Variants in BMP1 observed in about 807,000 individuals in gnomAD.
The protein encoded by BMP1 is bone morphogenetic protein 1.
A neutral mutation model predicts 116.8 loss-of-function variants in BMP1; 63 were observed. The observed-to-expected ratio is 0.54, with a 90% CI of 0.44 to 0.67. The LOEUF (loss-of-function observed/expected upper bound fraction) is 0.67, where lower values mean the gene tolerates loss of function less well. Among genes scored for constraint, BMP1 ranks in the 30% least tolerant of loss-of-function variants. The probability of loss-of-function intolerance (pLI) is 0.00; values close to 1 mark genes in which losing one functional copy is unlikely to be tolerated. For missense variants in BMP1, 1,183 were observed against 1,358.9 expected (o/e 0.87, Z 2.04); for synonymous variants, 536 against 533.4 (o/e 1.00, Z -0.07).
At position 22,179,740 on chromosome 8, in the gene BMP1, A is replaced by G. The variant is rs146866668; in HGVS notation, c.872A>G (p.Glu291Gly). The G allele has an allele frequency of 2.5e-6, 4 of 1,613,972 alleles. No homozygotes were observed. In the African/African-American group the frequency reaches 5.3e-5, roughly 22 times the overall value. The change falls in exon 7 of 20, where the codon GAG becomes GGG. Residue 291 changes from glutamate to glycine, a missense_variant. Around this residue, in one of 4 missense-constraint regions of BMP1, gnomAD observed 956 missense variants for 1,135.2 expected, o/e 0.84. Transcript: ENST00000306385. The surrounding 1 kb of genome is among the most constrained non-coding windows in gnomAD (Gnocchi z 4.6). Reference sequence around the variant, plus strand: ...CTGGATACCATTGTCCCCAAGTATGAGGTGAACGGGGTGAAACCTCCCATT... The same window carrying G: ...CTGGATACCATTGTCCCCAAGTATGGGGTGAACGGGGTGAAACCTCCCATT... ...IFLDTIVPKY[E>G]VNGVKPPIGQ... is the part of the protein sequence containing the mutation.
intron 19 of BMP1, among the ~76,000 whole-genome samples, chr8:22,210,075 CG>C (rs1020379313): frequency 1.3e-4 from 20 of 152,236 alleles, no homozygotes; most frequent in African/African-American, 4.8e-4. Context: ...GCACCAGAGC[CG>C]GGGACAGGGC....
chr8:22,207,030 A>G, intron 17 of BMP1, 49 bp downstream of exon 17: 1 of 1,604,890 alleles, frequency 6.2e-7, no homozygotes, highest in South Asian at 1.1e-5. Context: ...GCCCCCGGTC[A>G]GAGGCACTGC....
In BMP1 at chr8:22,201,356, C is replaced by A. The variant is rs1384623545; in HGVS notation, c.2108-447C>A. 3 of 1,485,456 alleles carry A rather than the reference C, an allele frequency of 2.0e-6. No homozygotes were observed. The African/African-American group carries it at 4.2e-5, about 21-fold the overall frequency. 92.0% of individuals were successfully genotyped at this position (1,485,456 alleles called of 1,614,324 possible). On this transcript the variant is annotated intron_variant, in intron 15 of 19. Coordinates refer to ENST00000306385, the MANE Select transcript of BMP1 (RefSeq NM_006129.5). ...GACAGAACTGGTGCTCTCTTCTCCC[C>A]ACTGTGCCCGTCCGCGGACCGGGGA...
In BMP1 at chr8:22,165,388, C is replaced by T. The variant is rs1237734585; in HGVS notation, c.-18C>T. 1.4e-6 allele frequency: 2 copies of T among 1,435,492 alleles called. No individual in the cohort carries two copies. Among genetic ancestry groups the T allele is most frequent in the Non-Finnish European group, 1.8e-6 (2 of 1,100,674 alleles). The allele number at this position is 1,435,492 out of a possible 1,614,324, so 88.9% of individuals were successfully genotyped here. A position where few individuals can be genotyped will look rare whatever the true frequency, so the allele number is the denominator to read the frequency against. On this transcript the variant is annotated 5_prime_UTR_variant, in exon 1 of 20. Transcript: ENST00000306385. ...CTGGCCTCCAGTGCGCCGCTTCCCTCGCCGCCGCCCCGCCAGCATGCCCGG... is the reference window on the plus strand; with the variant it reads ...CTGGCCTCCAGTGCGCCGCTTCCCTTGCCGCCGCCCCGCCAGCATGCCCGG...
rs758168660 is a variant in BMP1, at chr8:22,194,135, A to C, written c.1258A>C (p.Ser420Arg). Residue 420 changes from serine (S) to arginine (R), a missense_variant, in exon 10 of 20, where the codon AGC becomes CGC. Coordinates refer to ENST00000306385, the MANE Select transcript of BMP1 (RefSeq NM_006129.5). This position sits in a 1 kb window ranked among gnomAD's most constrained non-coding sequence, Gnocchi z 4.5. ...SRLWVEFRSS[S>R]NWVGKGFFAV... ...CCTCTGGGTTGAATTCCGCAGCAGC[A>C]GCAATTGGGTTGGAAAGGGCTTCTT... 4.3e-6 allele frequency: 7 copies of C among 1,614,010 alleles called. No individual in the cohort carries two copies. In the South Asian group the frequency reaches 7.7e-5, roughly 18 times the overall value.
At position 22,176,469 on chromosome 8, in the gene BMP1, A is replaced by T. The variant is rs1456516343; in HGVS notation, c.434-64A>T. On this transcript the variant is annotated intron_variant, in intron 3 of 19. Coordinates refer to ENST00000306385, the MANE Select transcript of BMP1 (RefSeq NM_006129.5). ...GCCCTCAGAATGGCTGTGACTCTTCAGTGGTGGGTAGGGGGTGGGACTGCC... is the reference window on the plus strand; with the variant it reads ...GCCCTCAGAATGGCTGTGACTCTTCTGTGGTGGGTAGGGGGTGGGACTGCC... The T allele has an allele frequency of 1.9e-6, 3 of 1,578,842 alleles. No individual in the cohort carries two copies. The African/African-American group carries it at 4.0e-5, about 21-fold the overall frequency.
Position 22,194,115 on chromosome 8 carries a change from G to T in BMP1, c.1238G>T (p.Trp413Leu). ...EPIVSTDSRL[W>L]VEFRSSSNWV... ...ATCGTCTCCACTGACAGCCGCCTCT[G>T]GGTTGAATTCCGCAGCAGCAGCAAT... The change falls in exon 10 of 20, where the codon TGG becomes TTG. Residue 413 changes from tryptophan (W) to leucine (L), a missense_variant. By Grantham distance (61) the Trp-to-Leu change is moderately conservative. Transcript: ENST00000306385. This position sits in a 1 kb window ranked among gnomAD's most constrained non-coding sequence, Gnocchi z 4.5. The T allele has an allele frequency of 6.2e-7, 1 of 1,614,222 alleles. No individual in the cohort carries two copies. Among genetic ancestry groups the T allele is most frequent in the Non-Finnish European group, 8.5e-7 (1 of 1,180,046 alleles).
intron 1 of BMP1, among the ~76,000 whole-genome samples, chr8:22,172,043 A>T (rs1227929913): frequency 1.3e-5 from 2 of 152,106 alleles, no homozygotes; most frequent in East Asian, 3.9e-4. Context: ...TGGGTGTCTG[A>T]TTCTGTATGT....
Position 22,211,686 on chromosome 8 carries a change from C to A in BMP1, c.2919C>A (p.Tyr973Ter). ...TITKKGFHLR[Y>*]TSTKFQDTLH... Reference sequence around the variant, plus strand: ...CCAAAAAAGGTTTCCACCTGCGATACACCAGCACCAAGTTCCAGGACACAC... The same window carrying A: ...CCAAAAAAGGTTTCCACCTGCGATAAACCAGCACCAAGTTCCAGGACACAC... The change falls in exon 20 of 20, where the codon TAC becomes TAA. Residue 973 changes from tyrosine to a stop codon, truncating the protein, a stop_gained. Coordinates refer to ENST00000306385, the MANE Select transcript of BMP1 (RefSeq NM_006129.5). LOFTEE classifies it high-confidence loss of function. The A allele has an allele frequency of 1.2e-6, 2 of 1,614,182 alleles. No individual in the cohort carries two copies. Among genetic ancestry groups the A allele is most frequent in the Admixed American group, 1.7e-5 (1 of 60,022 alleles).
intron 1 of BMP1, chr8:22,169,918 A>G (rs1278198201): frequency 1.3e-5 from 2 of 152,214 alleles, no homozygotes; most frequent in African/African-American, 4.8e-5. Context: ...TCTTGTGTTG[A>G]AAATAACTAC....
At chr8:22,182,235 G>A (rs1376193060) in intron 8 of BMP1, among the ~76,000 whole-genome samples, 1 of 152,180 alleles carries the variant, frequency 6.6e-6, no homozygotes, top group Non-Finnish European at 1.5e-5. Context: ...CATCCATCAG[G>A]TAGCCCTCCT....
At chr8:22,178,015 A>G in intron 6 of BMP1, 58 bp downstream of exon 6, 2 of 1,364,980 alleles carry the variant, frequency 1.5e-6, no homozygotes, top group Non-Finnish European at 2.0e-6. Context: ...TGCCCTCTGT[A>G]GGCTATTCTC....
At position 22,206,875 on chromosome 8, in the gene BMP1, C is replaced by T. The variant is rs375728779; in HGVS notation, c.2255C>T (p.Thr752Ile). Residue 752 changes from threonine to isoleucine, a missense_variant, in exon 17 of 20, where the codon ACA becomes ATA. Thr to Ile is a moderately conservative substitution (Grantham distance 89). Coordinates refer to ENST00000306385, the MANE Select transcript of BMP1 (RefSeq NM_006129.5). ...CKEAGCDHKV[T>I]STSGTITSPN... The stretch of plus-strand genomic sequence containing the variant: ...GCAGCCGGCTGTGACCACAAGGTGA[C>T]ATCCACCAGTGGTACCATCACCAGC... The T allele has an allele frequency of 6.2e-7, 1 of 1,614,066 alleles. No homozygotes were observed. Among genetic ancestry groups the T allele is most frequent in the African/African-American group, 1.3e-5 (1 of 74,922 alleles).
At chr8:22,202,731 C>T (rs1419672388) in intron 16 of BMP1, among the ~76,000 whole-genome samples, 1 of 152,040 alleles carries the variant, frequency 6.6e-6, no homozygotes, top group Non-Finnish European at 1.5e-5. Flanking sequence ...TAAAATAGGC[C>T]AGTGCGGTGG....
At chr8:22,207,575 T>C (rs1054186499) in intron 18 of BMP1, 59 bp downstream of exon 18, 3 of 1,580,498 alleles carry the variant, frequency 1.9e-6, no homozygotes, top group Non-Finnish European at 2.6e-6. Flanking sequence ...TGGGGTAGAG[T>C]CGGGGGTTTC....
At chr8:22,201,067 C>A in intron 15 of BMP1, 2 of 1,299,634 alleles carry the variant, frequency 1.5e-6, no homozygotes, top group Non-Finnish European at 2.1e-6. Flanking sequence ...CTGGTCCCTG[C>A]CCTCCACCCC....
At chr8:22,205,399 T>C (rs1287520950) in intron 16 of BMP1, among the ~76,000 whole-genome samples, 1 of 151,982 alleles carries the variant, frequency 6.6e-6, no homozygotes, top group African/African-American at 2.4e-5. Flanking sequence ...GGCTGGGTGG[T>C]CAGCCCTGCA....
intron 5 of BMP1, 180 bp from the exon 6 acceptor site, chr8:22,177,672 G>C (rs763254911): frequency 1.3e-6 from 1 of 764,304 alleles, no homozygotes; most frequent in South Asian, 1.4e-5. Context: ...TGCTGGACAG[G>C]ACTCTTCCTG....
intron 19 of BMP1, among the ~76,000 whole-genome samples, chr8:22,210,049 T>TG (rs1313920451): frequency 6.6e-6 from 1 of 152,224 alleles, no homozygotes; most frequent in Non-Finnish European, 1.5e-5. Context: ...GGGCCTGGAA[T>TG]GGGGGGCAGA....
Sources: allele counts gnomAD v4.1 joint callset (sites outside exome capture counted in the v4.1 genomes callset), GRCh38; gene constraint gnomAD v4.1.1; regional missense constraint gnomAD v4.1.1; non-coding constraint Gnocchi (gnomAD v3.1); transcripts MANE v1.5; gene names NCBI Gene and HGNC (gene_info 2026-07-23, HGNC 2026-07-21).